The following JAK1 variants were observed in gnomAD, a reference collection of about 807,000 sequenced individuals.
JAK1 encodes the protein tyrosine-protein kinase JAK1.
JAK1 carries 16 observed loss-of-function variants against 136.6 expected under a neutral mutation model. The ratio of observed to expected loss-of-function variants is 0.12; its 90% CI spans 0.08 to 0.18. JAK1 has a LOEUF of 0.18. JAK1 is among the 10% of genes least tolerant of loss of function. The pLI is 1.00. For missense variants in JAK1, 859 were observed against 1,450.1 expected, an observed-to-expected ratio of 0.59 and a Z score of 6.62; for synonymous variants, 492 against 519.5, an observed-to-expected ratio of 0.95 and a Z score of 0.72.
At chr1:65,063,134 C>G (rs921670441) in intron 1 of JAK1, among the ~76,000 whole-genome samples, 1 of 152,020 alleles carries the variant, frequency 6.6e-6, no homozygotes, top group Admixed American at 6.6e-5. Context: ...CGAGTGGAGC[C>G]GTGATTTGGT....
chr1:64,941,552 A>C (rs951212422), intron 1 of JAK1, among the ~76,000 whole-genome samples: 1 of 152,226 alleles, frequency 6.6e-6, no homozygotes, highest in Non-Finnish European at 1.5e-5. Context: ...CCATGGTTAG[A>C]ATAAAAAAAC....
intron 1 of JAK1, among the ~76,000 whole-genome samples, chr1:64,949,962 C>G (rs1051282421): frequency 2.0e-5 from 3 of 151,966 alleles, no homozygotes; most frequent in Non-Finnish European, 2.9e-5. Flanking sequence ...ATGATTATTA[C>G]AAAGACTCTA....
chr1:64,966,455 G>C lies in JAK1; in HGVS notation c.-200C>G, dbSNP rs1426617844. On this transcript the variant is annotated 5_prime_UTR_variant, in exon 1 of 25. Transcript: ENST00000342505. ...CGTGCGCGCGCCCAGGGCTGAGGAG[G>C]GGTCGCGGCGAGGACAGCCGGGACT... 6.6e-6 allele frequency: 1 copy of C among 151,070 alleles called. No homozygotes were observed. The highest frequency in any genetic ancestry group is 2.1e-4 in the South Asian group (1 of 4,824). The allele number at this position is 151,070 out of a possible 1,614,324, so 9.4% of individuals were successfully genotyped here. A position where few individuals can be genotyped will look rare whatever the true frequency, so the allele number is the denominator to read the frequency against.
intron 2 of JAK1, chr1:64,985,548 A>G (rs1646590591): frequency 1.6e-6 from 2 of 1,255,352 alleles, no homozygotes; most frequent in African/African-American, 3.0e-5. Flanking sequence ...CACAGGCCAT[A>G]GGTCTTCAGA....
chr1:64,870,048 C>A (rs1324441370), intron 5 of JAK1, among the ~76,000 whole-genome samples: 1 of 152,192 alleles, frequency 6.6e-6, no homozygotes. Context: ...GCACAGCATT[C>A]TAAGAACTAA....
intron 14 of JAK1, 79 bp downstream of exon 14, chr1:64,846,570 G>A: frequency 9.8e-7 from 1 of 1,018,852 alleles, no homozygotes; most frequent in African/African-American, 1.6e-5. Context: ...ACGTGAGGGT[G>A]GGAAGAGCCT....
At position 64,838,578 on chromosome 1, in the gene JAK1, T is replaced by C. The variant is rs763015549; in HGVS notation, c.2854A>G (p.Ile952Val). The C allele has an allele frequency of 1.5e-5, 25 of 1,613,742 alleles. 1 individual carries two copies. The highest frequency in any genetic ancestry group is 6.7e-5 in the African/African-American group (5 of 74,940). The change falls in exon 21 of 25, where the codon ATT becomes GTT. Residue 952 changes from isoleucine (I) to valine (V), a missense_variant. Physicochemically the swap from Ile to Val is conservative, Grantham distance 29 (BLOSUM62 3). This residue lies in a region of JAK1 where 409 missense variants were observed against 753.8 expected (regional missense o/e 0.54). Coordinates refer to ENST00000342505, the MANE Select transcript of JAK1 (RefSeq NM_002227.4). ...GGCAGAAATTCCATGATGAGCTTAA[T>C]ACCATTTCCTCCTGTTTAGAAAAAA... is the stretch of plus-strand genomic sequence containing the variant. The part of the protein sequence containing the change: ...GICTEDGGNG[I>V]KLIMEFLPSG...
chr1:65,019,455 C>T (rs190910156), intron 2 of JAK1, among the ~76,000 whole-genome samples: 2 of 95,700 alleles, frequency 2.1e-5, no homozygotes, highest in African/African-American at 5.1e-5. Flanking sequence ...CCCATATGAC[C>T]CCCCCCCCAA....
At chr1:64,931,332 C>A (rs1263310016) in intron 1 of JAK1, among the ~76,000 whole-genome samples, 1 of 152,068 alleles carries the variant, frequency 6.6e-6, no homozygotes, top group African/African-American at 2.4e-5. Flanking sequence ...TGTTCAACCG[C>A]ACTCCATGCA....
intron 2 of JAK1, among the ~76,000 whole-genome samples, chr1:65,007,300 G>T (rs1364506045): frequency 3.3e-5 from 5 of 152,232 alleles, no homozygotes; most frequent in African/African-American, 1.2e-4. Flanking sequence ...TCTCTCTGTA[G>T]GTCTGTCTTA....
chr1:64,886,431 C>T (rs1281084274), intron 1 of JAK1, 90 bp from the exon 2 acceptor site: 2 of 641,166 alleles, frequency 3.1e-6, no homozygotes, highest in East Asian at 3.3e-5. Context: ...CAGCCCAAAC[C>T]ATAAGCAGGC....
At chr1:64,902,931 G>A (rs1374832104) in intron 1 of JAK1, among the ~76,000 whole-genome samples, 1 of 152,172 alleles carries the variant, frequency 6.6e-6, no homozygotes, top group African/African-American at 2.4e-5. Flanking sequence ...AAAGTACTGT[G>A]TGGCAGCTTC....
At chr1:64,932,745 T>A (rs7516978) in intron 1 of JAK1, among the ~76,000 whole-genome samples, 106,359 of 151,896 alleles carry the variant, frequency 0.7, 40,557 homozygotes, top group Middle Eastern at 0.92. Context: ...GCAATAATCA[T>A]CCATTCCACC....
chr1:64,986,721 C>T (rs1646603143), intron 2 of JAK1, among the ~76,000 whole-genome samples: 2 of 151,882 alleles, frequency 1.3e-5, no homozygotes, highest in Admixed American at 1.3e-4. Flanking sequence ...CAGAGAGAGA[C>T]CGTCTCTACA....
At chr1:64,957,943 CAA>C (rs11337629) in intron 1 of JAK1, among the ~76,000 whole-genome samples, 180 of 146,896 alleles carry the variant, frequency 1.2e-3, no homozygotes, top group Non-Finnish European at 1.2e-3. Flanking sequence ...GACTCCGTCT[CAA>C]AAAAAAAAAA....
intron 2 of JAK1, chr1:64,990,605 A>G (rs1254155554): frequency 1.3e-5 from 2 of 152,088 alleles, no homozygotes; most frequent in Non-Finnish European, 2.9e-5. Context: ...GTACACAAAG[A>G]AACAGGAAAG....
At chr1:64,981,457 G>GCCT (rs1444031374) in intron 2 of JAK1, among the ~76,000 whole-genome samples, 1 of 152,168 alleles carries the variant, frequency 6.6e-6, no homozygotes, top group Non-Finnish European at 1.5e-5. Flanking sequence ...GGTAAAATGG[G>GCCT]CCTCACTGAT....
At chr1:64,986,313 G>A (rs919960437) in intron 2 of JAK1, among the ~76,000 whole-genome samples, 1 of 152,036 alleles carries the variant, frequency 6.6e-6, no homozygotes, top group Non-Finnish European at 1.5e-5. Flanking sequence ...CAAGATGTTA[G>A]CCAGGCTGGT....
chr1:64,871,194 T>C (rs1449940202), intron 5 of JAK1, among the ~76,000 whole-genome samples: 1 of 152,192 alleles, frequency 6.6e-6, no homozygotes, highest in East Asian at 1.9e-4. Flanking sequence ...GTTGTCTCTA[T>C]GGCAGTTCTA....
Sources: allele counts gnomAD v4.1 joint callset (sites outside exome capture counted in the v4.1 genomes callset), GRCh38; gene constraint gnomAD v4.1.1; regional missense constraint gnomAD v4.1.1; transcripts MANE v1.5; gene names NCBI Gene and HGNC (gene_info 2026-07-23, HGNC 2026-07-21).